The following RP1 variants were observed in gnomAD, a reference collection of about 807,000 sequenced individuals.
The protein encoded by RP1 is oxygen-regulated protein 1.
Under a neutral mutation model 14.8 loss-of-function variants are expected in RP1, and 16 were observed. The ratio of observed to expected loss-of-function variants is 1.08; its 90% confidence interval spans 0.73 to 1.65. The LOEUF is 1.65. Among genes scored for constraint, RP1 ranks in the 40% most tolerant of loss-of-function variants. The pLI, the probability that RP1 is intolerant of heterozygous loss-of-function variation, is 0.00. For missense variants in RP1, 2,631 were observed against 2,535.0 expected (o/e 1.04, Z -0.81); for synonymous variants, 876 against 883.6 (o/e 0.99, Z 0.15).
At chr8:54,666,685 A>T (rs1374580892) in intron 7 of RP1, among the ~76,000 whole-genome samples, 1 of 151,950 alleles carries the variant, frequency 6.6e-6, no homozygotes, top group Non-Finnish European at 1.5e-5. Context: ...TGACCCCGGG[A>T]CAGCAGCTGG....
intron 17 of RP1, among the ~76,000 whole-genome samples, chr8:54,733,160 G>A (rs552205584): frequency 1.2e-3 from 180 of 152,246 alleles, no homozygotes; most frequent in Non-Finnish European, 2.2e-3. Context: ...GTGCAGGTGC[G>A]TTGCAGTTAA....
chr8:54,708,450 G>A (rs1808211632), intron 15 of RP1, among the ~76,000 whole-genome samples: 1 of 151,408 alleles, frequency 6.6e-6, no homozygotes, highest in Non-Finnish European at 1.5e-5. Flanking sequence ...TCCGCCTCCT[G>A]GGTTCATGCC....
At chr8:54,708,757 C>A (rs1238073679) in intron 15 of RP1, among the ~76,000 whole-genome samples, 1 of 151,066 alleles carries the variant, frequency 6.6e-6, no homozygotes, top group Non-Finnish European at 1.5e-5. Context: ...TCTTTTTCTT[C>A]CCAGTGAGTA....
chr8:54,849,113 A>G lies in RP1; in HGVS notation c.3836-3461A>G, dbSNP rs374795397. Among the ~76,000 whole-genome samples the G allele has an allele frequency of 2.0e-5, 3 of 152,272 alleles. No homozygotes were observed. In the South Asian group the frequency reaches 6.2e-4, roughly 32 times the overall value. Reference sequence around the variant, plus strand: ...GCTCTCAGACCAGTGACACTAAGCCAGGTCAACCATTCTTGGGTGTGGCAA... The same window carrying G: ...GCTCTCAGACCAGTGACACTAAGCCGGGTCAACCATTCTTGGGTGTGGCAA... On this transcript the variant is annotated intron_variant, in intron 25 of 28. Coordinates refer to the RP1 transcript ENST00000637698.
At position 54,620,960 on chromosome 8, in the gene RP1, A is replaced by G. The variant is rs1805842603; in HGVS notation, c.-7A>G. The stretch of plus-strand genomic sequence containing the variant: ...TAATTTTCTTTCTTCTCTAGGTCTC[A>G]GCCAAAATGAGTGATACCCCTTCTA... On this transcript the variant is annotated 5_prime_UTR_variant, in exon 2 of 4. Coordinates refer to ENST00000220676, the MANE Select transcript of RP1 (RefSeq NM_006269.2). 2.5e-6 allele frequency: 4 copies of G among 1,614,006 alleles called. No homozygotes were observed. In the East Asian group the frequency reaches 8.9e-5, roughly 36 times the overall value.
At chr8:54,582,164 T>C (rs1417103474) in intron 1 of RP1, among the ~76,000 whole-genome samples, 2 of 152,206 alleles carry the variant, frequency 1.3e-5, no homozygotes, top group East Asian at 3.8e-4. Flanking sequence ...TAATCCATCT[T>C]GAATTAATTT....
intron 27 of RP1, among the ~76,000 whole-genome samples, chr8:54,864,064 T>G (rs771264668): frequency 2.2e-4 from 34 of 152,078 alleles, no homozygotes; most frequent in Non-Finnish European, 3.2e-4. Flanking sequence ...GGAAGTGAAG[T>G]TCAAATCTAA....
chr8:54,615,539 C>T (rs190400515), upstream of RP1, among the ~76,000 whole-genome samples: 151 of 152,232 alleles, frequency 9.9e-4, 1 homozygote, highest in Non-Finnish European at 2.6e-4. Flanking sequence ...GCAGTGGAAG[C>T]GTGCTGGGTA....
intron 15 of RP1, among the ~76,000 whole-genome samples, chr8:54,709,862 A>G (rs753779036): frequency 6.6e-6 from 1 of 152,216 alleles, no homozygotes; most frequent in Non-Finnish European, 1.5e-5. Flanking sequence ...TAACAGGTCC[A>G]TATATGCTGG....
Position 54,869,880 on chromosome 8 carries a change from C to T in RP1, c.4189C>T (p.Arg1397Trp), listed in dbSNP as rs139484699. Residue 1397 changes from arginine (R) to tryptophan (W), a missense_variant, in exon 29 of 29, where the codon CGG (arginine) becomes TGG (tryptophan). Arg to Trp is a moderately radical substitution (Grantham distance 101, BLOSUM62 -3). Coordinates refer to the RP1 transcript ENST00000637698. Reference sequence around the variant, plus strand: ...GTACCAAGATGATGGCAAGACCCAGCGGGAATTGCTCGCAGAAAGTAGTCC... The same window carrying T: ...GTACCAAGATGATGGCAAGACCCAGTGGGAATTGCTCGCAGAAAGTAGTCC... 74 of 1,231,598 alleles carry T rather than the reference C, an allele frequency of 6.0e-5. No homozygotes were observed. In the East Asian group the frequency reaches 1.9e-3, roughly 32 times the overall value. The allele number at this position is 1,231,598 out of a possible 1,614,324, so 76.3% of individuals were successfully genotyped here.
At position 54,652,011 on chromosome 8, in the gene RP1, C is replaced by CTT. The variant is rs11463056; in HGVS notation, c.952-758_952-757dup. On this transcript the variant is annotated intron_variant, in intron 4 of 22. Coordinates refer to the RP1 transcript ENST00000636932. Reference sequence around the variant, plus strand: ...TTACGAGTATGTTCTTTAATTTACACTTTTTTTTTTTTCTGAGATGGAGTC... The same window carrying CTT: ...TTACGAGTATGTTCTTTAATTTACACTTTTTTTTTTTTTTCTGAGATGGAGTC... 9.6e-3 allele frequency among the ~76,000 whole-genome samples: 1,409 copies of CTT among 146,260 alleles called. 21 individuals carry two copies. The highest frequency in any genetic ancestry group is 0.018 in the Middle Eastern group (5 of 282).
chr8:54,838,631 A>C (rs1811722183), intron 25 of RP1, among the ~76,000 whole-genome samples: 1 of 152,154 alleles, frequency 6.6e-6, no homozygotes, highest in Admixed American at 6.5e-5. Flanking sequence ...GAGTGTGTGC[A>C]TGCATGTGAC....
chr8:54,626,445 T>G lies in RP1; in HGVS notation c.2563T>G (p.Leu855Val), dbSNP rs748350909. The change falls in exon 4 of 4, where the codon TTA becomes GTA. Residue 855 changes from leucine to valine, a missense_variant. By Grantham distance (32) the Leu-to-Val change is conservative. Transcript: ENST00000220676. ...GYLRGMAKKS[L>V]VSKVTDSHIT... ...TTTGAGAGGAATGGCAAAGAAGAGT[T>G]TAGTTTCAAAAGTTACTGATTCACA... 3.1e-6 allele frequency: 5 copies of G among 1,613,672 alleles called. No individual in the cohort carries two copies. The highest frequency in any genetic ancestry group is 4.2e-6 in the Non-Finnish European group (5 of 1,179,886).
At chr8:54,668,735 A>G (rs1295711756) in intron 7 of RP1, among the ~76,000 whole-genome samples, 1 of 152,184 alleles carries the variant, frequency 6.6e-6, no homozygotes, top group African/African-American at 2.4e-5. Context: ...ATCTACAACC[A>G]TCTGATCTTT....
intron 1 of RP1, among the ~76,000 whole-genome samples, chr8:54,559,479 G>T (rs1415834268): frequency 6.6e-6 from 1 of 152,110 alleles, no homozygotes; most frequent in Non-Finnish European, 1.5e-5. Flanking sequence ...GCCAAAGATG[G>T]TAAAGCAAGC....
At chr8:54,679,956 GT>G in intron 12 of RP1, 1 of 1,535,134 alleles carries the variant, frequency 6.5e-7, no homozygotes, top group East Asian at 2.4e-5. Context: ...TACAAAGCTT[GT>G]GGTGCTGGAC....
intron 24 of RP1, among the ~76,000 whole-genome samples, chr8:54,793,171 T>TA (rs1462508840): frequency 6.6e-6 from 1 of 151,708 alleles, no homozygotes; most frequent in African/African-American, 2.4e-5. Flanking sequence ...CAGTAATGAG[T>TA]AAGGAGATTG....
At chr8:54,716,984 T>C (rs1808418779) in intron 15 of RP1, among the ~76,000 whole-genome samples, 1 of 152,154 alleles carries the variant, frequency 6.6e-6, no homozygotes, top group Admixed American at 6.5e-5. Flanking sequence ...CAAGTGGAGT[T>C]GTCTCTCTTC....
chr8:54,807,414 T>C (rs1444749480), intron 24 of RP1, among the ~76,000 whole-genome samples: 1 of 152,216 alleles, frequency 6.6e-6, no homozygotes, highest in Non-Finnish European at 1.5e-5. Context: ...AGAGCCTAGG[T>C]TGACATCTCA....
Sources: gnomAD v4.1 joint callset for allele counts (sites outside exome capture counted in the v4.1 genomes callset) on GRCh38, gnomAD v4.1.1 for gene constraint, MANE v1.5 for transcripts, NCBI Gene and HGNC (gene_info 2026-07-23, HGNC 2026-07-21) for gene names.